PACC1: variants seen among roughly 807,000 people sequenced by gnomAD.
PACC1 encodes proton activated chloride channel 1.
Under a neutral mutation model 39.7 loss-of-function variants are expected in PACC1, and 34 were observed. That is an observed-to-expected ratio of 0.86 (90% CI 0.65 to 1.14). The LOEUF is 1.14. PACC1 is among the 50% of genes most tolerant of loss of function. The pLI, the probability that PACC1 is intolerant of heterozygous loss-of-function variation, is 0.00. For missense variants in PACC1, 379 were observed against 436.4 expected, an observed-to-expected ratio of 0.87 and a Z score of 1.17; for synonymous variants, 127 against 160.6, an observed-to-expected ratio of 0.79 and a Z score of 1.58.
intron 2 of PACC1, among the ~76,000 whole-genome samples, chr1:212,407,600 T>C (rs1321193082): frequency 6.6e-6 from 1 of 152,216 alleles, no homozygotes; most frequent in African/African-American, 2.4e-5. Context: ...CTTTTACATA[T>C]TGGGCTTTAA....
Position 212,392,641 on chromosome 1 carries a change from T to C in PACC1, c.134-5541A>G, listed in dbSNP as rs546275410. ...TAAATGCTCCAATTAAAAGACAGAC[T>C]GGCAAATTGGATAGTCAAGACCCAT... On this transcript the variant is annotated intron_variant, in intron 2 of 7. Coordinates refer to ENST00000261455, the MANE Select transcript of PACC1 (RefSeq NM_018252.3). 9.2e-5 allele frequency among the ~76,000 whole-genome samples: 14 copies of C among 152,266 alleles called. No homozygotes were observed. The East Asian group carries it at 2.7e-3, about 29-fold the overall frequency.
At position 212,394,514 on chromosome 1, in the gene PACC1, G is replaced by A. The variant is rs1025592453; in HGVS notation, c.134-7414C>T. ...GGCAAAAACTGGAAGCATTCCCTTTGAAAACTGGCACAAGACAGGGATGCC... is the reference window on the plus strand; with the variant it reads ...GGCAAAAACTGGAAGCATTCCCTTTAAAAACTGGCACAAGACAGGGATGCC... On this transcript the variant is annotated intron_variant, in intron 2 of 7. Transcript: ENST00000261455. Among the ~76,000 whole-genome samples the A allele has an allele frequency of 3.9e-5, 6 of 152,234 alleles. No individual in the cohort carries two copies. In the East Asian group the frequency reaches 1.2e-3, roughly 29 times the overall value.
At chr1:212,405,713 T>C (rs1473321) in intron 2 of PACC1, among the ~76,000 whole-genome samples, 80,241 of 152,022 alleles carry the variant, frequency 0.53, 22,767 homozygotes, top group African/African-American at 0.75. Flanking sequence ...GCTCTGGGTA[T>C]GGATTTGAGC....
In PACC1 at chr1:212,377,723, A is replaced by C. The variant is rs1660720073; in HGVS notation, c.639-17T>G. Reference sequence around the variant, plus strand: ...CTGTTTGGGCTTGGAGGAAGGAAGGAGAAGGAAGATCCAGGTCAATGCAGG... The same window carrying C: ...CTGTTTGGGCTTGGAGGAAGGAAGGCGAAGGAAGATCCAGGTCAATGCAGG... On this transcript the variant is annotated splice_polypyrimidine_tract_variant and intron_variant, in intron 5 of 7. Transcript: ENST00000261455. The C allele has an allele frequency of 6.2e-7, 1 of 1,613,488 alleles. No homozygotes were observed. The highest frequency in any genetic ancestry group is 1.3e-5 in the African/African-American group (1 of 74,928).
At chr1:212,390,940 C>T (rs894283444) in intron 2 of PACC1, among the ~76,000 whole-genome samples, 9 of 152,204 alleles carry the variant, frequency 5.9e-5, no homozygotes, top group African/African-American at 1.2e-4. Flanking sequence ...ACAAAGCGGC[C>T]GGGAAGCTCG....
At chr1:212,412,095 C>T (rs1163433801) in intron 1 of PACC1, among the ~76,000 whole-genome samples, 6 of 151,574 alleles carry the variant, frequency 4.0e-5, no homozygotes, top group Non-Finnish European at 7.4e-5. Flanking sequence ...GAGCCGAGAT[C>T]GCACCATTGC....
At position 212,408,357 on chromosome 1, in the gene PACC1, CTTTAT is replaced by C. The variant is rs200496392; in HGVS notation, c.133+2063_133+2067del. ...CTTCCTTCCAGGCAGTCTTTTTTTA[CTTTAT>C]TTTATTTTTTTTTTTGAGGCAGAGT... is the stretch of plus-strand genomic sequence containing the variant. On this transcript the variant is annotated intron_variant, in intron 2 of 7. Transcript: ENST00000261455. Among the ~76,000 whole-genome samples, 1,200 of 151,510 alleles carry C rather than the reference CTTTAT, an allele frequency of 7.9e-3. 16 individuals are homozygous for C. The highest frequency in any genetic ancestry group is 0.027 in the African/African-American group (1,103 of 41,308).
chr1:212,379,968 GGCGGAACTGGAGGAAGACCA>G lies in PACC1; in HGVS notation c.545_564del (p.Leu182ProfsTer5). ...CTGAAGTCCTCACTACTCTTGTTCA[GGCGGAACTGGAGGAAGACCA>G]GCTCCCGCTTTTTCACTTCCCGGGG... On this transcript the variant is annotated frameshift_variant, in exon 5 of 8. Coordinates refer to ENST00000261455, the MANE Select transcript of PACC1 (RefSeq NM_018252.3). LOFTEE classifies it high-confidence loss of function. 1 of 1,614,226 alleles carries G rather than the reference GGCGGAACTGGAGGAAGACCA, an allele frequency of 6.2e-7. No individual in the cohort carries two copies. The highest frequency in any genetic ancestry group is 8.5e-7 in the Non-Finnish European group (1 of 1,180,048).
intron 2 of PACC1, among the ~76,000 whole-genome samples, chr1:212,401,576 A>G (rs906638623): frequency 2.8e-5 from 4 of 141,778 alleles, no homozygotes; most frequent in Non-Finnish European, 6.1e-5. Flanking sequence ...CAATGAGCCG[A>G]GACGGCGCCA....
chr1:212,385,310 C>A lies in PACC1; in HGVS notation c.459G>T (p.Arg153Ser). The change falls in exon 4 of 8, where the codon AGG (arginine) becomes AGT (serine). Residue 153 changes from arginine to serine, a missense_variant. Coordinates refer to ENST00000261455, the MANE Select transcript of PACC1 (RefSeq NM_018252.3). ...QPGDMNCTTQ[R>S]INYTDPFSNQ... ...TGGAGAAGGGGTCCGTGTAGTTGAT[C>A]CTCTGGGTGGTGCAATTCATGTCAC... The A allele has an allele frequency of 6.2e-7, 1 of 1,614,070 alleles. No individual in the cohort carries two copies. Among genetic ancestry groups the A allele is most frequent in the South Asian group, 1.1e-5 (1 of 91,070 alleles).
chr1:212,393,485 G>A (rs1661402275), intron 2 of PACC1, among the ~76,000 whole-genome samples: 2 of 152,286 alleles, frequency 1.3e-5, no homozygotes, highest in Admixed American at 6.5e-5. Context: ...GAGAAAGCAG[G>A]AAAGACCTAA....
At chr1:212,401,084 T>A (rs1212472304) in intron 2 of PACC1, among the ~76,000 whole-genome samples, 1 of 152,208 alleles carries the variant, frequency 6.6e-6, no homozygotes, top group Non-Finnish European at 1.5e-5. Flanking sequence ...ATAATTTACA[T>A]ACCATACAAT....
In PACC1 at chr1:212,414,878, G is replaced by T; in HGVS notation, c.-121C>A. ...CGAGGCGAAACCGGTCCGGAGGGGC[G>T]TCCCAGAGACCAGGCGTGGCGATAC... On this transcript the variant is annotated 5_prime_UTR_variant, in exon 1 of 8. Transcript: ENST00000261455. The T allele has an allele frequency of 1.5e-6, 2 of 1,327,916 alleles. No homozygotes were observed. The highest frequency in any genetic ancestry group is 2.1e-6 in the Non-Finnish European group (2 of 955,838). 82.3% of individuals were successfully genotyped at this position (1,327,916 alleles called of 1,614,324 possible).
At chr1:212,401,454 C>T (rs761171762) in intron 2 of PACC1, among the ~76,000 whole-genome samples, 1 of 151,730 alleles carries the variant, frequency 6.6e-6, no homozygotes, top group Non-Finnish European at 1.5e-5. Flanking sequence ...GGCAAAACCT[C>T]GTCTCTACTA....
chr1:212,381,082 C>T (rs1660861551), intron 4 of PACC1, among the ~76,000 whole-genome samples: 1 of 152,236 alleles, frequency 6.6e-6, no homozygotes, highest in South Asian at 2.1e-4. Context: ...TTATTAACTG[C>T]ACTATTCAAT....
In PACC1 at chr1:212,386,905, C is replaced by T. The variant is rs560016075; in HGVS notation, c.329G>A (p.Arg110His). The T allele has an allele frequency of 2.8e-5, 45 of 1,614,146 alleles. No homozygotes were observed. Among genetic ancestry groups the T allele is most frequent in the Middle Eastern group, 3.3e-4 (2 of 6,062 alleles). The part of the protein sequence containing the change: ...VMSVSYKEVD[R>H]YDAPGIALYP... ...GCAGGCTCTACCTGGGGCATCATAG[C>T]GATCCACTTCCTTGTAAGACACAGA... is the stretch of plus-strand genomic sequence containing the variant. The change falls in exon 3 of 8, where the codon CGC becomes CAC. Residue 110 changes from arginine (R) to histidine (H), a missense_variant. By Grantham distance (29) the Arg-to-His change is conservative. Coordinates refer to ENST00000261455, the MANE Select transcript of PACC1 (RefSeq NM_018252.3). The surrounding 1 kb of genome is among the most constrained non-coding windows in gnomAD (Gnocchi z 5.0).
intron 5 of PACC1, among the ~76,000 whole-genome samples, chr1:212,378,510 T>G (rs1571639085): frequency 1.3e-5 from 2 of 152,174 alleles, no homozygotes. Context: ...TCCCTGCCCC[T>G]GTAGCTGCCT....
chr1:212,406,510 T>C (rs182453579), intron 2 of PACC1, among the ~76,000 whole-genome samples: 2 of 151,552 alleles, frequency 1.3e-5, no homozygotes, highest in East Asian at 1.9e-4. Context: ...AGGGAGACTG[T>C]CTCAAAAAAA....
chr1:212,375,376 A>T lies in PACC1; in HGVS notation c.784-76T>A. The T allele has an allele frequency of 2.1e-5, 22 of 1,043,702 alleles. No individual in the cohort carries two copies. The South Asian group carries it at 2.9e-4, about 14-fold the overall frequency. 64.7% of individuals were successfully genotyped at this position (1,043,702 alleles called of 1,614,324 possible). A position where few individuals can be genotyped will look rare whatever the true frequency, so the allele number is the denominator to read the frequency against. On this transcript the variant is annotated intron_variant, in intron 6 of 7. Coordinates refer to ENST00000261455, the MANE Select transcript of PACC1 (RefSeq NM_018252.3). ...TTGCCTGTGCCCAGCGAAAGGAGAG[A>T]GAGTAGGCAGGGGATCATAGTCTGT...
Sources: allele counts gnomAD v4.1 joint callset (sites outside exome capture counted in the v4.1 genomes callset), GRCh38; gene constraint gnomAD v4.1.1; non-coding constraint Gnocchi (gnomAD v3.1); transcripts MANE v1.5; gene names NCBI Gene and HGNC (gene_info 2026-07-23, HGNC 2026-07-21).